ZNRF1: variants seen among roughly 807,000 people sequenced by gnomAD.
ZNRF1 encodes zinc and ring finger 1, also known as E3 ubiquitin-protein ligase ZNRF1.
ZNRF1 carries 3 observed loss-of-function variants against 18.4 expected under a neutral mutation model. The ratio of observed to expected loss-of-function variants is 0.16; its 90% CI spans 0.07 to 0.42. The LOEUF (loss-of-function observed/expected upper bound fraction) is 0.42. Ranked by LOEUF, ZNRF1 falls within the 10% of genes least tolerant of loss-of-function variation. The pLI is 0.99. For synonymous variants in ZNRF1, 157 were observed against 144.2 expected (o/e 1.09, Z -0.64); for missense variants, 310 against 329.8 (o/e 0.94, Z 0.47).
At position 75,103,813 on chromosome 16, in the gene ZNRF1, C is replaced by T. The variant is rs566106635; in HGVS notation, c.521-971C>T. Among the ~76,000 whole-genome samples, 120 of 152,134 alleles carry T rather than the reference C, an allele frequency of 7.9e-4. 1 individual carries two copies. Among genetic ancestry groups the T allele is most frequent in the African/African-American group, 2.5e-3 (105 of 41,476 alleles). On this transcript the variant is annotated intron_variant, in intron 2 of 4. Coordinates refer to ENST00000335325, the MANE Select transcript of ZNRF1 (RefSeq NM_032268.5). ...CAGCCCGGCCAACATGGTGAAACCCCGTCTCTACTAAAAATACAAAAACTA... is the reference window on the plus strand; with the variant it reads ...CAGCCCGGCCAACATGGTGAAACCCTGTCTCTACTAAAAATACAAAAACTA...
intron 1 of ZNRF1, among the ~76,000 whole-genome samples, chr16:75,012,534 G>A (rs1433525623): frequency 6.6e-6 from 1 of 152,148 alleles, no homozygotes; most frequent in Non-Finnish European, 1.5e-5. Flanking sequence ...AAGATTTTAG[G>A]TCTAAAGCAT....
intron 1 of ZNRF1, among the ~76,000 whole-genome samples, chr16:75,021,739 C>T (rs2145336652): frequency 6.6e-6 from 1 of 152,222 alleles, no homozygotes; most frequent in Middle Eastern, 3.4e-3. Context: ...CTCTTGGCTG[C>T]TTTATCTTGT....
At chr16:75,052,466 A>G (rs2035618548) in intron 1 of ZNRF1, among the ~76,000 whole-genome samples, 1 of 152,156 alleles carries the variant, frequency 6.6e-6, no homozygotes, top group Admixed American at 6.5e-5. Flanking sequence ...ATTGTGAGTC[A>G]GTAGACTCAT....
intron 1 of ZNRF1, among the ~76,000 whole-genome samples, chr16:75,043,922 TG>T (rs1198402139): frequency 6.6e-6 from 1 of 151,548 alleles, no homozygotes; most frequent in African/African-American, 2.4e-5. Flanking sequence ...CCTAGGTAGC[TG>T]GGATTACAGG....
intron 1 of ZNRF1, among the ~76,000 whole-genome samples, chr16:75,082,809 C>T (rs2036029075): frequency 6.6e-6 from 1 of 152,176 alleles, no homozygotes; most frequent in South Asian, 2.1e-4. Flanking sequence ...CTGCCTTGGC[C>T]TCCTAAAGTG....
chr16:75,003,895 A>G (rs965469160), intron 1 of ZNRF1, among the ~76,000 whole-genome samples: 1 of 152,116 alleles, frequency 6.6e-6, no homozygotes, highest in East Asian at 1.9e-4. Context: ...GACATTCTAA[A>G]TGGAGAGTGG....
intron 1 of ZNRF1, among the ~76,000 whole-genome samples, chr16:75,026,237 A>G (rs2035222356): frequency 6.6e-6 from 1 of 152,236 alleles, no homozygotes; most frequent in Admixed American, 6.5e-5. Flanking sequence ...CCTAAAAAAG[A>G]AAAACATTCT....
At chr16:75,013,272 T>C (rs912029486) in intron 1 of ZNRF1, among the ~76,000 whole-genome samples, 5 of 152,126 alleles carry the variant, frequency 3.3e-5, no homozygotes, top group Non-Finnish European at 7.4e-5. Flanking sequence ...TCTGTCTCTT[T>C]ACTTGAGGGC....
At chr16:75,086,370 G>C (rs1180500963) in intron 1 of ZNRF1, among the ~76,000 whole-genome samples, 1 of 152,184 alleles carries the variant, frequency 6.6e-6, no homozygotes, top group African/African-American at 2.4e-5. Flanking sequence ...TGAGCCTCCA[G>C]GCCCCAGAAC....
chr16:75,021,436 C>A (rs745696198), intron 1 of ZNRF1, among the ~76,000 whole-genome samples: 1 of 152,166 alleles, frequency 6.6e-6, no homozygotes. Flanking sequence ...ACTTTTTTGC[C>A]TTCCCTTCCT....
chr16:75,049,369 C>T (rs1315923037), intron 1 of ZNRF1, among the ~76,000 whole-genome samples: 1 of 151,934 alleles, frequency 6.6e-6, no homozygotes, highest in East Asian at 1.9e-4. Context: ...GCTCTGTTGC[C>T]CAGGCTGGGT....
intron 1 of ZNRF1, among the ~76,000 whole-genome samples, chr16:75,067,617 CAAATGA>C (rs776599290): frequency 6.6e-6 from 1 of 152,002 alleles, no homozygotes; most frequent in Non-Finnish European, 1.5e-5. Flanking sequence ...AGGTAATAGA[CAAATGA>C]AATAGAATAA....
intron 2 of ZNRF1, chr16:75,104,069 TCTC>T (rs2036284654): frequency 6.6e-6 from 1 of 152,194 alleles, no homozygotes; most frequent in Non-Finnish European, 1.5e-5. Context: ...CCAATACTGA[TCTC>T]CTTTCCCTCT....
At chr16:75,000,854 C>G (rs2034839663) in intron 1 of ZNRF1, among the ~76,000 whole-genome samples, 1 of 152,168 alleles carries the variant, frequency 6.6e-6, no homozygotes, top group Admixed American at 6.6e-5. Flanking sequence ...TAACAGGGAG[C>G]CTGTCACGGT....
At chr16:75,025,160 C>T (rs916614523) in intron 1 of ZNRF1, among the ~76,000 whole-genome samples, 6 of 152,082 alleles carry the variant, frequency 3.9e-5, no homozygotes, top group African/African-American at 1.2e-4. Context: ...CTCTGCCTCC[C>T]GGGTTCATGC....
At chr16:75,069,231 G>T (rs2035840330) in intron 1 of ZNRF1, among the ~76,000 whole-genome samples, 1 of 152,092 alleles carries the variant, frequency 6.6e-6, no homozygotes, top group Non-Finnish European at 1.5e-5. Context: ...CTCCAGTATG[G>T]GAACATCATT....
rs117485038 is a variant in ZNRF1 at position 75,071,030 on chromosome 16, A to C, written c.425-22542A>C. Among the ~76,000 whole-genome samples the C allele has an allele frequency of 7.2e-3, 1,097 of 152,082 alleles. 9 individuals are homozygous for C. The highest frequency in any genetic ancestry group is 0.011 in the Non-Finnish European group (780 of 67,990). On this transcript the variant is annotated intron_variant, in intron 1 of 4. Coordinates refer to ENST00000335325, the MANE Select transcript of ZNRF1 (RefSeq NM_032268.5). ...GTCAGGTATTGTATTTGCATAGGGC[A>C]CAGCAGAAGCAGCTAGTCTATGATG... is the stretch of plus-strand genomic sequence containing the variant.
chr16:75,000,179 TGTAGTGCACGACCGGGATCTGTC>T (rs2145309135), intron 1 of ZNRF1, 84 bp downstream of exon 1: 1 of 1,519,084 alleles, frequency 6.6e-7, no homozygotes, highest in Non-Finnish European at 8.9e-7. Flanking sequence ...GGTTTGGGAA[TGTAGTGCACGACCGGGATCTGTC>T]TGCATTCCCT....
intron 1 of ZNRF1, among the ~76,000 whole-genome samples, chr16:75,003,112 C>T (rs1234196815): frequency 1.3e-5 from 2 of 152,208 alleles, no homozygotes; most frequent in African/African-American, 2.4e-5. Context: ...CGCCACCATG[C>T]CCAATAAGCT....
Sources: allele counts gnomAD v4.1 joint callset (sites outside exome capture counted in the v4.1 genomes callset), GRCh38; gene constraint gnomAD v4.1.1; transcripts MANE v1.5; gene names NCBI Gene and HGNC (gene_info 2026-07-23, HGNC 2026-07-21).